The following CADPS2 variants were observed in gnomAD, a reference collection of about 807,000 sequenced individuals.
CADPS2 encodes calcium-dependent secretion activator 2.
A neutral mutation model predicts 172.5 loss-of-function variants in CADPS2; 93 were observed. The ratio of observed to expected loss-of-function variants is 0.54; its 90% CI spans 0.46 to 0.64. CADPS2 has a LOEUF of 0.64. CADPS2 is among the 30% of genes least tolerant of loss of function. The pLI, the probability that CADPS2 is intolerant of heterozygous loss-of-function variation, is 0.00. For synonymous variants in CADPS2, 546 were observed against 555.2 expected, an observed-to-expected ratio of 0.98 and a Z score of 0.23; for missense variants, 1,420 against 1,565.9, an observed-to-expected ratio of 0.91 and a Z score of 1.57.
chr7:122,748,401 T>C lies in CADPS2; in HGVS notation c.340-11333A>G, dbSNP rs149784446. Among the ~76,000 whole-genome samples, 74 of 152,202 alleles carry C rather than the reference T, an allele frequency of 4.9e-4. 2 individuals are homozygous for C. The East Asian group carries it at 9.5e-3, about 20-fold the overall frequency. On this transcript the variant is annotated intron_variant, in intron 1 of 29. Coordinates refer to ENST00000449022, the MANE Select transcript of CADPS2 (RefSeq NM_017954.11). ...ACCATCTGGCATTTCATGGCACAGA[T>C]CCATATGCTGAAGCCATATTTGCAA...
intron 17 of CADPS2, among the ~76,000 whole-genome samples, chr7:122,425,189 C>T (rs1416665695): frequency 6.6e-6 from 1 of 151,936 alleles, no homozygotes; most frequent in Non-Finnish European, 1.5e-5. Flanking sequence ...CTATGTTGCT[C>T]AGGCTCATCT....
rs79429453 is a variant in CADPS2, at chr7:122,348,337, C to T, written c.3505-2656G>A. Among the ~76,000 whole-genome samples, 448 of 152,190 alleles carry T rather than the reference C, an allele frequency of 2.9e-3. 3 individuals are homozygous for T. The highest frequency in any genetic ancestry group is 0.01 in the African/African-American group (420 of 41,526). Reference sequence around the variant, plus strand: ...CACTGTCCAGGAAGAGTTTATTTTCCACCACCTGAAACTAACACTTTACAG... The same window carrying T: ...CACTGTCCAGGAAGAGTTTATTTTCTACCACCTGAAACTAACACTTTACAG... On this transcript the variant is annotated intron_variant, in intron 27 of 29. Transcript: ENST00000449022.
chr7:122,860,805 G>A (rs1214954362), intron 1 of CADPS2, among the ~76,000 whole-genome samples: 2 of 151,848 alleles, frequency 1.3e-5, no homozygotes, highest in Admixed American at 1.3e-4. Context: ...ACTTTTTTAG[G>A]TTCCATATGC....
In CADPS2 at chr7:122,886,106, C is replaced by A. The variant is rs1317931512; in HGVS notation, c.232G>T (p.Glu78Ter). ...RDEPQRQLDDEQERRIRLQLY... is the reference protein window; with the variant it reads ...RDEPQRQLDD ...TGCAGGCGGATCCTCCGCTCCTGCTCATCGTCCAGCTGCCGCTGGGGCTCG... is the reference window on the plus strand; with the variant it reads ...TGCAGGCGGATCCTCCGCTCCTGCTAATCGTCCAGCTGCCGCTGGGGCTCG... Residue 78 changes from glutamate to a stop codon, truncating the protein, a stop_gained, in exon 1 of 30, where the codon GAG (glutamate) becomes TAG (stop). Transcript: ENST00000449022. LOFTEE classifies it high-confidence loss of function. 6.4e-7 allele frequency: 1 copy of A among 1,571,360 alleles called. No homozygotes were observed.
At chr7:122,661,767 G>C (rs758635492) in intron 3 of CADPS2, among the ~76,000 whole-genome samples, 2 of 152,144 alleles carry the variant, frequency 1.3e-5, no homozygotes, top group Non-Finnish European at 2.9e-5. Flanking sequence ...AATACCTACA[G>C]AGGTTTTGGA....
At chr7:122,884,175 A>G (rs921937689) in intron 1 of CADPS2, among the ~76,000 whole-genome samples, 28 of 152,242 alleles carry the variant, frequency 1.8e-4, no homozygotes, top group Admixed American at 3.3e-4. Context: ...CACTTTAATC[A>G]TTAAAAATAG....
intron 8 of CADPS2, among the ~76,000 whole-genome samples, chr7:122,547,925 T>C (rs1261359259): frequency 6.6e-6 from 1 of 152,118 alleles, no homozygotes; most frequent in African/African-American, 2.4e-5. Flanking sequence ...ATGACACTAG[T>C]CTCTCTCACT....
chr7:122,391,540 TAGAA>T (rs2044366889), intron 22 of CADPS2, among the ~76,000 whole-genome samples: 1 of 151,986 alleles, frequency 6.6e-6, no homozygotes, highest in African/African-American at 2.4e-5. Context: ...ATCATACACT[TAGAA>T]AGGTTCATTA....
At chr7:122,592,267 G>T (rs568138466) in intron 6 of CADPS2, among the ~76,000 whole-genome samples, 1 of 152,078 alleles carries the variant, frequency 6.6e-6, no homozygotes, top group African/African-American at 2.4e-5. Context: ...TCAGAGAAAT[G>T]CAAATCAAAA....
chr7:122,722,374 C>A (rs1438090959), intron 2 of CADPS2, among the ~76,000 whole-genome samples: 3 of 151,478 alleles, frequency 2.0e-5, no homozygotes, highest in Admixed American at 1.3e-4. Flanking sequence ...GTGCAAAAAT[C>A]ACAAGCATTC....
At chr7:122,570,356 T>C (rs1168897653) in intron 7 of CADPS2, among the ~76,000 whole-genome samples, 1 of 151,744 alleles carries the variant, frequency 6.6e-6, no homozygotes, top group Non-Finnish European at 1.5e-5. Context: ...CCAGTTAGAA[T>C]GGCAATCATT....
At chr7:122,663,807 A>T (rs2080876040) in intron 2 of CADPS2, among the ~76,000 whole-genome samples, 1 of 152,210 alleles carries the variant, frequency 6.6e-6, no homozygotes. Flanking sequence ...TACCAGTAAG[A>T]TGGTTTACTT....
chr7:122,588,184 T>G (rs1214087596), intron 6 of CADPS2, among the ~76,000 whole-genome samples: 1 of 152,168 alleles, frequency 6.6e-6, no homozygotes, highest in African/African-American at 2.4e-5. Context: ...TGATGATAGT[T>G]TCTTTTGCTG....
intron 3 of CADPS2, among the ~76,000 whole-genome samples, chr7:122,646,930 G>A (rs963026226): frequency 5.9e-5 from 9 of 152,032 alleles, no homozygotes; most frequent in African/African-American, 1.7e-4. Context: ...GTATTATAGA[G>A]GAAACAGCAG....
chr7:122,501,900 G>GAAAAAAAAAAAAAAAAAAAAAAAA (rs377560103), intron 9 of CADPS2, among the ~76,000 whole-genome samples: 1 of 136,668 alleles, frequency 7.3e-6, no homozygotes, highest in African/African-American at 2.7e-5. Context: ...AAAAAAAAAG[G>GAAAAAAAAAAAAAAAAAAAAAAAA]AAAAAAAAAG....
intron 22 of CADPS2, among the ~76,000 whole-genome samples, chr7:122,389,005 G>A (rs558689737): frequency 6.6e-6 from 1 of 152,008 alleles, no homozygotes; most frequent in East Asian, 1.9e-4. Context: ...CTTTACTAAG[G>A]AAGTTATATT....
intron 25 of CADPS2, chr7:122,368,119 T>C (rs1396308530): frequency 3.3e-5 from 5 of 152,422 alleles, no homozygotes; most frequent in Admixed American, 2.6e-4. Context: ...CCTCAAGTGA[T>C]CTGCCTACCT....
chr7:122,794,247 T>C (rs988030577), intron 1 of CADPS2, among the ~76,000 whole-genome samples: 5 of 151,978 alleles, frequency 3.3e-5, no homozygotes, highest in Admixed American at 6.6e-5. Context: ...CAATGAGTCA[T>C]AGATTTAGTC....
At chr7:122,768,162 T>C (rs2093610774) in intron 1 of CADPS2, among the ~76,000 whole-genome samples, 1 of 152,148 alleles carries the variant, frequency 6.6e-6, no homozygotes, top group Admixed American at 6.6e-5. Flanking sequence ...ATCAAGGACT[T>C]GACCAAGTGA....
Sources: allele counts gnomAD v4.1 joint callset (sites outside exome capture counted in the v4.1 genomes callset), GRCh38; gene constraint gnomAD v4.1.1; transcripts MANE v1.5; gene names NCBI Gene and HGNC (gene_info 2026-07-23, HGNC 2026-07-21).